Variants in LRBA observed in about 807,000 individuals in gnomAD.
LRBA encodes lipopolysaccharide-responsive and beige-like anchor protein.
In LRBA, 176 loss-of-function variants were observed where a neutral mutation model predicts 330.0. That is an observed-to-expected ratio of 0.53 (90% CI 0.47 to 0.60). The LOEUF (loss-of-function observed/expected upper bound fraction) is 0.60, where lower values mean the gene tolerates loss of function less well. LRBA is among the 20% of genes least tolerant of loss of function. The pLI is 0.00. For synonymous variants in LRBA, 1,230 were observed against 1,193.0 expected (o/e 1.03, Z -0.64); for missense variants, 3,259 against 3,444.8 (o/e 0.95, Z 1.35).
At chr4:150,673,514 G>C (rs890817515) in intron 37 of LRBA, among the ~76,000 whole-genome samples, 3 of 152,132 alleles carry the variant, frequency 2.0e-5, no homozygotes, top group Non-Finnish European at 4.4e-5. Flanking sequence ...AGGAAAAGTT[G>C]CAAGAACACT....
chr4:150,584,113 GC>G, intron 40 of LRBA: 1 of 1,514,528 alleles, frequency 6.6e-7, no homozygotes, highest in Non-Finnish European at 8.8e-7. Flanking sequence ...ACTATAGGGT[GC>G]TGGGGACTGC....
chr4:150,897,664 A>C, intron 15 of LRBA, 75 bp downstream of exon 15: 2 of 1,049,222 alleles, frequency 1.9e-6, no homozygotes, highest in Non-Finnish European at 2.9e-6. Context: ...AGAATAAAAA[A>C]ACCAAGATTG....
chr4:151,002,483 T>G (rs1244303340), intron 2 of LRBA, among the ~76,000 whole-genome samples: 1 of 150,740 alleles, frequency 6.6e-6, no homozygotes, highest in African/African-American at 2.4e-5. Flanking sequence ...GAGAATCACT[T>G]GAACTCAGGA....
chr4:150,402,897 C>A (rs555585890), intron 47 of LRBA, among the ~76,000 whole-genome samples: 1 of 152,010 alleles, frequency 6.6e-6, no homozygotes, highest in African/African-American at 2.4e-5. Flanking sequence ...ATGTGGCAAT[C>A]CTCTTCTTCC....
chr4:150,320,480 G>C (rs1581003198), intron 50 of LRBA, among the ~76,000 whole-genome samples: 1 of 151,862 alleles, frequency 6.6e-6, no homozygotes, highest in Non-Finnish European at 1.5e-5. Flanking sequence ...AGCACAAAAA[G>C]GTACAGTTTC....
chr4:150,598,905 G>A, intron 38 of LRBA, 102 bp downstream of exon 38: 1 of 1,328,266 alleles, frequency 7.5e-7, no homozygotes, highest in South Asian at 1.5e-5. Flanking sequence ...CATAAAATGT[G>A]GTGTTGGACC....
At chr4:150,648,551 GC>G (rs948618437) in intron 37 of LRBA, among the ~76,000 whole-genome samples, 17 of 151,132 alleles carry the variant, frequency 1.1e-4, no homozygotes, top group East Asian at 5.9e-4. Context: ...TCAAAAACAT[GC>G]CCCCCCACCC....
intron 2 of LRBA, among the ~76,000 whole-genome samples, chr4:151,003,266 G>A (rs1271776159): frequency 4.0e-5 from 6 of 151,448 alleles, no homozygotes; most frequent in Middle Eastern, 3.5e-3. Flanking sequence ...GCATGGTGGC[G>A]CACACCTGTA....
chr4:150,600,899 C>G (rs1001948401), intron 37 of LRBA, among the ~76,000 whole-genome samples: 1 of 152,180 alleles, frequency 6.6e-6, no homozygotes, highest in Non-Finnish European at 1.5e-5. Flanking sequence ...CTTCATCATT[C>G]TGCCTACCTA....
At chr4:150,872,213 T>C (rs17027157) in intron 18 of LRBA, among the ~76,000 whole-genome samples, 2,828 of 152,312 alleles carry the variant, frequency 0.019, 81 homozygotes, top group African/African-American at 0.064. Context: ...AATAAACTAC[T>C]TCTGGTACAA....
chr4:150,940,085 C>A (rs372357899), intron 2 of LRBA, among the ~76,000 whole-genome samples: 3,404 of 147,022 alleles, frequency 0.023, 110 homozygotes, highest in African/African-American at 0.079. Context: ...AAAAAAAAAA[C>A]AAACAAAGGA....
At chr4:150,289,922 G>T (rs979817222) in intron 53 of LRBA, among the ~76,000 whole-genome samples, 4 of 152,188 alleles carry the variant, frequency 2.6e-5, no homozygotes, top group Admixed American at 1.3e-4. Flanking sequence ...ATTACTGAGG[G>T]TAGCGGGGAT....
intron 35 of LRBA, among the ~76,000 whole-genome samples, chr4:150,738,098 C>T (rs1369092128): frequency 6.7e-6 from 1 of 148,898 alleles, no homozygotes; most frequent in African/African-American, 2.5e-5. Context: ...TCAAGCGATT[C>T]TCCTGCCTCA....
chr4:150,368,712 GA>G (rs1441719918), intron 47 of LRBA, among the ~76,000 whole-genome samples: 1 of 152,126 alleles, frequency 6.6e-6, no homozygotes, highest in Non-Finnish European at 1.5e-5. Flanking sequence ...TCTAAAGGAA[GA>G]AAATACTGAG....
chr4:150,915,344 T>C (rs1287321817), intron 8 of LRBA, among the ~76,000 whole-genome samples: 1 of 152,092 alleles, frequency 6.6e-6, no homozygotes, highest in African/African-American at 2.4e-5. Flanking sequence ...TTCATTTTGA[T>C]AAATGAACCA....
intron 2 of LRBA, among the ~76,000 whole-genome samples, chr4:151,007,856 CAA>C (rs57271520): frequency 2.5e-3 from 286 of 114,400 alleles, no homozygotes; most frequent in Middle Eastern, 4.4e-3. Context: ...GACTCCATCT[CAA>C]AAAAAAAAAA....
At chr4:150,434,317 T>A (rs1157090561) in intron 46 of LRBA, among the ~76,000 whole-genome samples, 2 of 152,228 alleles carry the variant, frequency 1.3e-5, no homozygotes, top group African/African-American at 4.8e-5. Flanking sequence ...AAAATTCTAG[T>A]AAGGACTATT....
At chr4:150,793,302 T>C (rs1740266376) in intron 34 of LRBA, among the ~76,000 whole-genome samples, 1 of 151,738 alleles carries the variant, frequency 6.6e-6, no homozygotes, top group South Asian at 2.1e-4. Flanking sequence ...GACCCCGTCT[T>C]AAAAAAATGA....
chr4:150,471,766 A>G (rs767513239), intron 42 of LRBA, 27 bp from the exon 43 acceptor site: 1 of 923,152 alleles, frequency 1.1e-6, no homozygotes, highest in South Asian at 1.4e-5. Flanking sequence ...TCAATGTGAT[A>G]TGATTAATTA....
Sources: allele counts gnomAD v4.1 joint callset (sites outside exome capture counted in the v4.1 genomes callset), GRCh38; gene constraint gnomAD v4.1.1; transcripts MANE v1.5; gene names NCBI Gene and HGNC (gene_info 2026-07-23, HGNC 2026-07-21).